Variants in NAA15 observed in about 807,000 individuals in gnomAD.
NAA15 encodes N-alpha-acetyltransferase 15, NatA auxiliary subunit, also known as N-terminal acetyltransferase.
A neutral mutation model predicts 114.0 loss-of-function variants in NAA15; 34 were observed. The ratio of observed to expected loss-of-function variants is 0.30; its 90% CI spans 0.23 to 0.40. The LOEUF (loss-of-function observed/expected upper bound fraction) is 0.40. NAA15 is among the 10% of genes least tolerant of loss of function. The pLI is 1.00. For missense variants in NAA15, 658 were observed against 1,004.5 expected (o/e 0.66, Z 4.66); for synonymous variants, 340 against 338.0 (o/e 1.01, Z -0.06).
chr4:139,336,948 T>C lies in NAA15; in HGVS notation c.240T>C (p.His80=). The change falls in exon 3 of 20, where the codon CAT becomes CAC. Residue 80 remains histidine (H), a synonymous_variant. Transcript: ENST00000296543. ...GTTTGAGAAATGACTTGAAGAGTCATGTGTGTATCCTTTTTGAGATATATT... is the reference window on the plus strand; with the variant it reads ...GTTTGAGAAATGACTTGAAGAGTCACGTGTGTATCCTTTTTGAGATATATT... ...RRGLRNDLKS[H]VCWHVYGLLQ... is the part of the protein sequence containing the mutation. 3 of 1,579,316 alleles carry C rather than the reference T, an allele frequency of 1.9e-6. No homozygotes were observed. The highest frequency in any genetic ancestry group is 1.8e-5 in the Admixed American group (1 of 54,650).
chr4:139,337,077 G>A, intron 3 of NAA15, 125 bp downstream of exon 3: 1 of 466,882 alleles, frequency 2.1e-6, no homozygotes, highest in Non-Finnish European at 3.7e-6. Flanking sequence ...TTTAAATAGG[G>A]TAACAGCAAC....
At chr4:139,312,215 G>T (rs1294887209) in intron 1 of NAA15, among the ~76,000 whole-genome samples, 1 of 151,958 alleles carries the variant, frequency 6.6e-6, no homozygotes, top group Non-Finnish European at 1.5e-5. Context: ...GTTCTGAAAA[G>T]AATGTCAGTT....
intron 14 of NAA15, among the ~76,000 whole-genome samples, chr4:139,366,199 T>A (rs1446514338): frequency 6.6e-6 from 1 of 152,148 alleles, no homozygotes; most frequent in Non-Finnish European, 1.5e-5. Flanking sequence ...CAGAAGTGTC[T>A]AAGTGACTCT....
chr4:139,352,395 C>G (rs1560970429), intron 9 of NAA15, among the ~76,000 whole-genome samples: 1 of 152,018 alleles, frequency 6.6e-6, no homozygotes, highest in Non-Finnish European at 1.5e-5. Flanking sequence ...AAGCGTGAGC[C>G]ACCGTGCCTG....
chr4:139,355,076 ATT>A (rs1408692644), intron 10 of NAA15, among the ~76,000 whole-genome samples: 1 of 151,806 alleles, frequency 6.6e-6, no homozygotes, highest in African/African-American at 2.4e-5. Flanking sequence ...GTCTCACCAT[ATT>A]GGCCAGGCCA....
At chr4:139,376,558 C>G in intron 16 of NAA15, 85 bp downstream of exon 16, 1 of 822,470 alleles carries the variant, frequency 1.2e-6, no homozygotes. Context: ...AGCCTTACCA[C>G]TGTACGATTA....
At chr4:139,347,834 C>T (rs1342595870) in intron 6 of NAA15, among the ~76,000 whole-genome samples, 1 of 149,732 alleles carries the variant, frequency 6.7e-6, no homozygotes, top group Non-Finnish European at 1.5e-5. Flanking sequence ...AGATCGAGAC[C>T]ATCCTGGCTA....
rs1441606742 is a variant in NAA15 at position 139,309,815 on chromosome 4, A to G, written c.54+7984A>G. Reference sequence around the variant, plus strand: ...TCAATAGTAGTAGATGGACAACACTATATTTTCAGAAAAGCAGACTAAAGC... The same window carrying G: ...TCAATAGTAGTAGATGGACAACACTGTATTTTCAGAAAAGCAGACTAAAGC... On this transcript the variant is annotated intron_variant, in intron 1 of 19. Coordinates refer to ENST00000296543, the MANE Select transcript of NAA15 (RefSeq NM_057175.5). Among the ~76,000 whole-genome samples the G allele has an allele frequency of 2.0e-5, 3 of 152,224 alleles. No individual in the cohort carries two copies. In the South Asian group the frequency reaches 6.2e-4, roughly 31 times the overall value.
chr4:139,359,040 G>A (rs28565452), intron 11 of NAA15, among the ~76,000 whole-genome samples: 4,662 of 151,874 alleles, frequency 0.031, 251 homozygotes, highest in African/African-American at 0.11. Context: ...GGGAGGCGGA[G>A]GTTGCAGTGA....
intron 17 of NAA15, among the ~76,000 whole-genome samples, chr4:139,383,920 A>G (rs770956279): frequency 2.6e-4 from 40 of 152,194 alleles, no homozygotes; most frequent in Non-Finnish European, 4.3e-4. Context: ...TTGGGTATAG[A>G]GGAAGATAGG....
At chr4:139,326,023 T>A (rs200735714) in intron 1 of NAA15, among the ~76,000 whole-genome samples, 1 of 152,236 alleles carries the variant, frequency 6.6e-6, no homozygotes, top group East Asian at 1.9e-4. Context: ...ATGAAAACTT[T>A]CTTGTTAAAA....
At chr4:139,337,856 A>G (rs946039437) in intron 3 of NAA15, among the ~76,000 whole-genome samples, 11 of 152,190 alleles carry the variant, frequency 7.2e-5, no homozygotes, top group Non-Finnish European at 1.6e-4. Context: ...GTATTACATA[A>G]GATGTTATGG....
chr4:139,313,583 C>T (rs949496324), intron 1 of NAA15, among the ~76,000 whole-genome samples: 1 of 150,198 alleles, frequency 6.7e-6, no homozygotes, highest in East Asian at 2.0e-4. Flanking sequence ...CTTTTGTTGC[C>T]GAAGCTGGAG....
At chr4:139,374,859 GA>G (rs1220959501) in intron 15 of NAA15, among the ~76,000 whole-genome samples, 1 of 152,176 alleles carries the variant, frequency 6.6e-6, no homozygotes, top group Non-Finnish European at 1.5e-5. Flanking sequence ...ATTAAAGTTG[GA>G]GACAGAATTA....
At chr4:139,382,440 A>G (rs1748779618) in intron 17 of NAA15, among the ~76,000 whole-genome samples, 1 of 152,104 alleles carries the variant, frequency 6.6e-6, no homozygotes, top group Non-Finnish European at 1.5e-5. Flanking sequence ...AAGATAATGA[A>G]AACCATAAAA....
chr4:139,366,893 G>C (rs1252120071), intron 14 of NAA15, among the ~76,000 whole-genome samples: 1 of 152,180 alleles, frequency 6.6e-6, no homozygotes, highest in Non-Finnish European at 1.5e-5. Flanking sequence ...ACAGGCATGA[G>C]CCACCACGCC....
intron 17 of NAA15, among the ~76,000 whole-genome samples, chr4:139,382,727 G>A (rs1239207943): frequency 6.6e-6 from 1 of 152,174 alleles, no homozygotes; most frequent in African/African-American, 2.4e-5. Context: ...TACAGCCATA[G>A]TAGAGGTTAA....
chr4:139,388,435 A>G lies in NAA15; in HGVS notation c.*351A>G. The G allele has an allele frequency of 5.5e-6, 1 of 181,164 alleles. No homozygotes were observed. Among genetic ancestry groups the G allele is most frequent in the Non-Finnish European group, 1.2e-5 (1 of 85,756 alleles). 11.2% of individuals were successfully genotyped at this position (181,164 alleles called of 1,614,324 possible). A position where few individuals can be genotyped will look rare whatever the true frequency, so the allele number is the denominator to read the frequency against. ...GTGTGTGGCAGAAATATTACTTTAA[A>G]TTTGTCTTGTGAGATTTTACTATAT... On this transcript the variant is annotated 3_prime_UTR_variant, in exon 20 of 20. Transcript: ENST00000296543.
rs373862543 is a variant in NAA15 at position 139,344,197 on chromosome 4, C to T, written c.549C>T (p.Asp183=). The T allele has an allele frequency of 9.0e-5, 144 of 1,608,706 alleles. 1 individual carries two copies. The African/African-American group carries it at 1.8e-3, about 21-fold the overall frequency. Residue 183 remains aspartate (D), a synonymous_variant, in exon 6 of 20, where the codon GAC becomes GAT. Transcript: ENST00000296543. ...ATATCCATATACAGACATCCCCTGA[C>T]AAGGTGGATTATGAATATAGTGAAC... ...EFRKTQQTSP[D]KVDYEYSELL...
Sources: allele counts gnomAD v4.1 joint callset (sites outside exome capture counted in the v4.1 genomes callset), GRCh38; gene constraint gnomAD v4.1.1; transcripts MANE v1.5; gene names NCBI Gene and HGNC (gene_info 2026-07-23, HGNC 2026-07-21).